The following SMARCB1 variants were observed in gnomAD, a reference collection of about 807,000 sequenced individuals.
The protein encoded by SMARCB1 is SWI/SNF-related matrix-associated actin-dependent regulator of chromatin subfamily B member 1.
A neutral mutation model predicts 49.0 loss-of-function variants in SMARCB1; 5 were observed. The observed-to-expected ratio is 0.10, with a 90% CI of 0.05 to 0.21. The LOEUF (loss-of-function observed/expected upper bound fraction) is 0.21. SMARCB1 is among the 10% of genes least tolerant of loss of function. The pLI, the probability that SMARCB1 is intolerant of heterozygous loss-of-function variation, is 1.00. For synonymous variants in SMARCB1, 201 were observed against 200.1 expected (o/e 1.00, Z -0.04); for missense variants, 226 against 509.2 (o/e 0.44, Z 5.35).
chr22:23,790,699 C>T (rs767311297), intron 1 of SMARCB1, among the ~76,000 whole-genome samples: 5 of 151,872 alleles, frequency 3.3e-5, no homozygotes, highest in African/African-American at 7.3e-5. Flanking sequence ...AAAAATTAGC[C>T]GGTTGTGGTG....
chr22:23,825,018 C>A lies in SMARCB1; in HGVS notation c.796-207C>A, dbSNP rs1746254907. The A allele has an allele frequency of 4.9e-5, 30 of 615,854 alleles. No individual in the cohort carries two copies. In the South Asian group the frequency reaches 5.5e-4, roughly 11 times the overall value. 38.1% of individuals were successfully genotyped at this position (615,854 alleles called of 1,614,324 possible). ...GCCTCCCGAGGGTGACTGTGCTGGG[C>A]CCTGAGCCAGAGCCCCTCATGGCAG... is the stretch of plus-strand genomic sequence containing the variant. On this transcript the variant is annotated intron_variant, in intron 6 of 8. Transcript: ENST00000644036.
intron 7 of SMARCB1, chr22:23,825,637 A>G (rs2030344395): frequency 3.5e-6 from 2 of 576,070 alleles, no homozygotes; most frequent in Non-Finnish European, 6.2e-6. Flanking sequence ...ATAGCTGGCA[A>G]AGACTTGGAG....
intron 5 of SMARCB1, among the ~76,000 whole-genome samples, chr22:23,808,465 C>A (rs1929654504): frequency 6.6e-6 from 1 of 151,804 alleles, no homozygotes; most frequent in African/African-American, 2.4e-5. Context: ...ACCGTGTTAG[C>A]CAGGATGGTC....
intron 1 of SMARCB1, among the ~76,000 whole-genome samples, chr22:23,787,665 A>G (rs1928100647): frequency 6.6e-6 from 1 of 152,072 alleles, no homozygotes; most frequent in Non-Finnish European, 1.5e-5. Context: ...CCGTATTGCT[A>G]CTTGTGGGAA....
At chr22:23,830,401 G>C (rs2030591348) in intron 7 of SMARCB1, among the ~76,000 whole-genome samples, 1 of 152,162 alleles carries the variant, frequency 6.6e-6, no homozygotes, top group African/African-American at 2.4e-5. Context: ...TGATGATATT[G>C]AGCATCTTTG....
intron 5 of SMARCB1, among the ~76,000 whole-genome samples, chr22:23,808,645 A>G (rs1436142681): frequency 6.6e-6 from 1 of 151,984 alleles, no homozygotes. Flanking sequence ...CTGTTAATCT[A>G]GAATCCTGTA....
At chr22:23,787,366 G>GCGC in intron 1 of SMARCB1, 104 bp downstream of exon 1, 1 of 482,902 alleles carries the variant, frequency 2.1e-6, no homozygotes, top group South Asian at 3.0e-5. Flanking sequence ...GGGGCGGGCG[G>GCGC]GCGCGCGCGC....
Position 23,834,220 on chromosome 22 carries a change from AGAT to A in SMARCB1, c.*41_*43del. The A allele has an allele frequency of 6.4e-7, 1 of 1,557,354 alleles. No individual in the cohort carries two copies. The highest frequency in any genetic ancestry group is 8.7e-7 in the Non-Finnish European group (1 of 1,149,098). ...CACGGCTCCCACGGAGCATCTCAGAAGATTGGGCCGCCTCTCCTCCATCTTCTG... is the reference window on the plus strand; with the variant it reads ...CACGGCTCCCACGGAGCATCTCAGAATGGGCCGCCTCTCCTCCATCTTCTG... On this transcript the variant is annotated 3_prime_UTR_variant, in exon 9 of 9. Coordinates refer to ENST00000644036, the MANE Select transcript of SMARCB1 (RefSeq NM_003073.5).
At chr22:23,788,488 C>T (rs1928158176) in intron 1 of SMARCB1, among the ~76,000 whole-genome samples, 1 of 150,956 alleles carries the variant, frequency 6.6e-6, no homozygotes, top group Non-Finnish European at 1.5e-5. Flanking sequence ...TCACTGCAGC[C>T]TTGACCTCCT....
chr22:23,800,862 A>G (rs1860077109), intron 3 of SMARCB1, 82 bp from the exon 4 acceptor site: 3 of 1,067,124 alleles, frequency 2.8e-6, no homozygotes, highest in Non-Finnish European at 4.4e-6. Flanking sequence ...TACAGTGGGC[A>G]TCCCTGGAGC....
intron 2 of SMARCB1, 125 bp downstream of exon 2, chr22:23,792,019 G>A (rs1224494324): frequency 2.0e-5 from 20 of 1,018,038 alleles, no homozygotes; most frequent in South Asian, 6.6e-5. Flanking sequence ...GGAGCATCCC[G>A]GGGTGGGCCG....
rs954295649 is a variant in SMARCB1, at chr22:23,834,808, C to T, written c.*628C>T. 6.2e-7 allele frequency: 1 copy of T among 1,606,110 alleles called. No individual in the cohort carries two copies. Among genetic ancestry groups the T allele is most frequent in the African/African-American group, 1.3e-5 (1 of 74,876 alleles). ...CTGCCTTTCAGGAACAGCCCTAACCCTGCTCCCCTTGCTTGGCCTCAGGAA... is the reference window on the plus strand; with the variant it reads ...CTGCCTTTCAGGAACAGCCCTAACCTTGCTCCCCTTGCTTGGCCTCAGGAA... On this transcript the variant is annotated 3_prime_UTR_variant, in exon 9 of 9. Coordinates refer to ENST00000644036, the MANE Select transcript of SMARCB1 (RefSeq NM_003073.5).
At chr22:23,827,788 C>G (rs1048739830) in intron 7 of SMARCB1, among the ~76,000 whole-genome samples, 7 of 152,146 alleles carry the variant, frequency 4.6e-5, no homozygotes, top group African/African-American at 1.7e-4. Context: ...AAGGATAGGA[C>G]AGGGCCTTAG....
At chr22:23,792,124 G>C in intron 2 of SMARCB1, 1 of 549,970 alleles carries the variant, frequency 1.8e-6, no homozygotes, top group Non-Finnish European at 3.3e-6. Context: ...ATGTGAGCGG[G>C]CCGGGGCCAG....
Position 23,803,347 on chromosome 22 carries a change from G to A in SMARCB1, c.553G>A (p.Val185Met), listed in dbSNP as rs1251083217. Reference protein sequence around the residue: ...VIHENASQPEVLVPIRLDMEI... With the variant: ...VIHENASQPEMLVPIRLDMEI... ...CCATGAGAACGCATCTCAGCCCGAG[G>A]TGCTGGTCCCCATCCGGCTGGACAT... Residue 185 changes from valine to methionine, a missense_variant, in exon 5 of 9, where the codon GTG becomes ATG. Transcript: ENST00000644036. 3 of 1,614,078 alleles carry A rather than the reference G, an allele frequency of 1.9e-6. No individual in the cohort carries two copies. Among genetic ancestry groups the A allele is most frequent in the African/African-American group, 2.7e-5 (2 of 74,944 alleles).
intron 4 of SMARCB1, chr22:23,802,215 C>T (rs1848586193): frequency 6.5e-6 from 1 of 152,826 alleles, no homozygotes; most frequent in African/African-American, 2.4e-5. Context: ...GGAGTTCTCA[C>T]TGGGGTGCCA....
At chr22:23,804,779 G>C (rs1431344542) in intron 5 of SMARCB1, among the ~76,000 whole-genome samples, 1 of 152,192 alleles carries the variant, frequency 6.6e-6, no homozygotes, top group African/African-American at 2.4e-5. Context: ...GACCTCAGGT[G>C]ATCCGCCTGC....
intron 7 of SMARCB1, among the ~76,000 whole-genome samples, chr22:23,833,132 C>T (rs1024339349): frequency 3.3e-5 from 5 of 152,166 alleles, no homozygotes; most frequent in East Asian, 1.9e-4. Context: ...TGCTCCCATT[C>T]GCCATCCATC....
chr22:23,835,259 T>G lies in SMARCB1; in HGVS notation c.*1079T>G, dbSNP rs2030952874. The G allele has an allele frequency of 9.0e-7, 1 of 1,116,022 alleles. No homozygotes were observed. Among genetic ancestry groups the G allele is most frequent in the East Asian group, 5.0e-5 (1 of 19,808 alleles). The allele number at this position is 1,116,022 out of a possible 1,614,324, so 69.1% of individuals were successfully genotyped here. ...AGGGAGGTGTCCCCATTCTTCAGAA[T>G]GGACACAGGATCTGGGAGGGCAGCA... On this transcript the variant is annotated 3_prime_UTR_variant, in exon 9 of 9. Transcript: ENST00000644036.
Sources: gnomAD v4.1 joint callset for allele counts (sites outside exome capture counted in the v4.1 genomes callset) on GRCh38, gnomAD v4.1.1 for gene constraint, MANE v1.5 for transcripts, NCBI Gene and HGNC (gene_info 2026-07-23, HGNC 2026-07-21) for gene names.